TMED7: variants seen among roughly 807,000 people sequenced by gnomAD.
TMED7 encodes transmembrane emp24 domain-containing protein 7.
A neutral mutation model predicts 23.4 loss-of-function variants in TMED7; 8 were observed. That is an observed-to-expected ratio of 0.34 (90% CI 0.20 to 0.62). The LOEUF (loss-of-function observed/expected upper bound fraction) is 0.62, where lower values mean the gene tolerates loss of function less well. TMED7 is among the 20% of genes least tolerant of loss of function. The pLI is 0.77. For missense variants in TMED7, 232 were observed against 279.1 expected (o/e 0.83, Z 1.20); for synonymous variants, 121 against 108.5 (o/e 1.12, Z -0.72).
intron 2 of TMED7, among the ~76,000 whole-genome samples, chr5:115,618,626 C>A (rs1388325747): frequency 1.3e-5 from 2 of 152,040 alleles, no homozygotes; most frequent in African/African-American, 4.8e-5. Context: ...GAGCTAGAGA[C>A]TTGATGGAAT....
intron 2 of TMED7, 109 bp downstream of exon 2, chr5:115,620,326 G>A: frequency 7.7e-7 from 1 of 1,302,214 alleles, no homozygotes; most frequent in Non-Finnish European, 9.9e-7. Context: ...AGATTTTAAA[G>A]ACTGTCAGTC....
chr5:115,622,407 C>T (rs1165609672), intron 1 of TMED7, among the ~76,000 whole-genome samples: 2 of 152,204 alleles, frequency 1.3e-5, no homozygotes, highest in African/African-American at 4.8e-5. Flanking sequence ...TCCGAAACCA[C>T]AATCCAGACA....
intron 2 of TMED7, among the ~76,000 whole-genome samples, chr5:115,619,696 A>C (rs1052788424): frequency 2.1e-4 from 32 of 152,182 alleles, no homozygotes; most frequent in African/African-American, 7.0e-4. Flanking sequence ...TGATATTTTC[A>C]ATGATGTGTC....
rs989744276 is a variant in TMED7, at chr5:115,625,810, G to A, written c.-18C>T. The A allele has an allele frequency of 2.9e-6, 4 of 1,396,752 alleles. No homozygotes were observed. The highest frequency in any genetic ancestry group is 3.7e-6 in the Non-Finnish European group (4 of 1,081,624). 86.5% of individuals were successfully genotyped at this position (1,396,752 alleles called of 1,614,324 possible). A position where few individuals can be genotyped will look rare whatever the true frequency, so the allele number is the denominator to read the frequency against. ...CGCGGCATCCCGAGAAGGCGGCGGC[G>A]GCCTCAACCGAGCTGCGAGACGCAG... On this transcript the variant is annotated 5_prime_UTR_variant, in exon 1 of 3. Transcript: ENST00000456936.
chr5:115,617,528 A>G (rs1001264664), intron 2 of TMED7, among the ~76,000 whole-genome samples: 2 of 147,860 alleles, frequency 1.4e-5, no homozygotes, highest in African/African-American at 2.5e-5. Flanking sequence ...CCTAGGAATG[A>G]AAAATTTGCA....
Position 115,614,678 on chromosome 5 carries a change from A to T in TMED7, c.*1531T>A, listed in dbSNP as rs1462959687. 1 of 152,126 alleles carries T rather than the reference A, an allele frequency of 6.6e-6. No homozygotes were observed. The highest frequency in any genetic ancestry group is 1.5e-5 in the Non-Finnish European group (1 of 67,958). 9.4% of individuals were successfully genotyped at this position (152,126 alleles called of 1,614,324 possible). ...ACCCTTTGCTATACGGTGGCATCTG[A>T]AATTATCAGGCATGACAACTTGAAT... On this transcript the variant is annotated 3_prime_UTR_variant, in exon 3 of 3. Transcript: ENST00000456936.
At chr5:115,618,169 C>A (rs1223968488) in intron 2 of TMED7, among the ~76,000 whole-genome samples, 2 of 152,150 alleles carry the variant, frequency 1.3e-5, no homozygotes, top group Non-Finnish European at 1.5e-5. Context: ...GTACAATGAA[C>A]CCCCACCATG....
rs192110497 is a variant in TMED7, at chr5:115,614,792, G to A, written c.*1417C>T. On this transcript the variant is annotated 3_prime_UTR_variant, in exon 3 of 3. Coordinates refer to ENST00000456936, the MANE Select transcript of TMED7 (RefSeq NM_181836.6). ...TAACTTCTAGTCAGTATTGGTAAGT[G>A]ACTAGGATGGCTATCCAATCAGTAT... 1.3e-5 allele frequency: 2 copies of A among 152,138 alleles called. No individual in the cohort carries two copies. The highest frequency in any genetic ancestry group is 2.9e-5 in the Non-Finnish European group (2 of 67,956). The allele number at this position is 152,138 out of a possible 1,614,324, so 9.4% of individuals were successfully genotyped here.
intron 2 of TMED7, 198 bp from the exon 3 acceptor site, chr5:115,616,643 C>G (rs933911624): frequency 5.3e-6 from 4 of 759,990 alleles, no homozygotes; most frequent in Admixed American, 2.9e-5. Flanking sequence ...ACTGTTAAGG[C>G]TAGAGATCTC....
Position 115,615,903 on chromosome 5 carries a change from T to G in TMED7, c.*306A>C, listed in dbSNP as rs114463472. On this transcript the variant is annotated 3_prime_UTR_variant, in exon 3 of 3. Transcript: ENST00000456936. ...TATAAGAAAAGTAGTCTTAAATGGT[T>G]AAAAGGAATCAAAATACCAAAGTTT... 2.6e-3 allele frequency: 857 copies of G among 324,116 alleles called. 8 individuals are homozygous for G. The highest frequency in any genetic ancestry group is 0.015 in the African/African-American group (730 of 47,724). The allele number at this position is 324,116 out of a possible 1,614,324, so 20.1% of individuals were successfully genotyped here.
chr5:115,622,446 C>A (rs1757064041), intron 1 of TMED7, among the ~76,000 whole-genome samples: 2 of 152,222 alleles, frequency 1.3e-5, no homozygotes, highest in African/African-American at 2.4e-5. Flanking sequence ...CCTAAAAGGT[C>A]TTCCCACTAC....
In TMED7 at chr5:115,614,878, T is replaced by G. The variant is rs1362949340; in HGVS notation, c.*1331A>C. On this transcript the variant is annotated 3_prime_UTR_variant, in exon 3 of 3. Transcript: ENST00000456936. Reference sequence around the variant, plus strand: ...ACAGTCTTGTCTTGTTCAGAACTCATCACTTTTGGGTAGGGAAGAGAGGCA... The same window carrying G: ...ACAGTCTTGTCTTGTTCAGAACTCAGCACTTTTGGGTAGGGAAGAGAGGCA... 6.6e-6 allele frequency: 1 copy of G among 150,976 alleles called. No individual in the cohort carries two copies. The highest frequency in any genetic ancestry group is 1.5e-5 in the Non-Finnish European group (1 of 67,800). The allele number at this position is 150,976 out of a possible 1,614,324, so 9.4% of individuals were successfully genotyped here.
Position 115,625,597 on chromosome 5 carries a change from A to T in TMED7, c.192+4T>A. On this transcript the variant is annotated splice_donor_region_variant and intron_variant, in intron 1 of 2. Coordinates refer to ENST00000456936, the MANE Select transcript of TMED7 (RefSeq NM_181836.6). The stretch of plus-strand genomic sequence containing the variant: ...GGGCCCAGGGACTGCTAGGCCCCTG[A>T]TACCTGGAACTCCAGGGTGCACTTG... The T allele has an allele frequency of 1.3e-6, 2 of 1,576,758 alleles. No individual in the cohort carries two copies. The highest frequency in any genetic ancestry group is 1.7e-6 in the Non-Finnish European group (2 of 1,161,294).
At chr5:115,624,432 A>G (rs570666734) in intron 1 of TMED7, among the ~76,000 whole-genome samples, 1 of 152,202 alleles carries the variant, frequency 6.6e-6, no homozygotes, top group African/African-American at 2.4e-5. Flanking sequence ...CCACCATAAT[A>G]ACCTCCTAAT....
At chr5:115,625,060 T>C (rs1347730832) in intron 1 of TMED7, among the ~76,000 whole-genome samples, 1 of 152,256 alleles carries the variant, frequency 6.6e-6, no homozygotes, top group Non-Finnish European at 1.5e-5. Context: ...CTTTTTTATA[T>C]AATCCCAAAT....
intron 1 of TMED7, 130 bp downstream of exon 1, chr5:115,625,471 G>T: frequency 9.1e-7 from 1 of 1,098,030 alleles, no homozygotes; most frequent in Non-Finnish European, 1.2e-6. Flanking sequence ...CTGGGCATCA[G>T]CTACCTAGAA....
chr5:115,620,651 A>G lies in TMED7; in HGVS notation c.222T>C (p.Asp74=), dbSNP rs773054244. 1.4e-4 allele frequency: 224 copies of G among 1,560,766 alleles called. No individual in the cohort carries two copies. The highest frequency in any genetic ancestry group is 1.0e-3 in the Admixed American group (53 of 51,414). ...TACCATCAGGATCTTCTAATCGACA[A>G]TCTACATCATAGTGACCACCAGTAA... ...QVITGGHYDV[D]CRLEDPDGKV... The change falls in exon 2 of 3, where the codon GAT becomes GAC. Residue 74 remains aspartate (D), a synonymous_variant. Coordinates refer to ENST00000456936, the MANE Select transcript of TMED7 (RefSeq NM_181836.6).
chr5:115,625,591 C>T lies in TMED7; in HGVS notation c.192+10G>A. On this transcript the variant is annotated intron_variant, in intron 1 of 2. Coordinates refer to ENST00000456936, the MANE Select transcript of TMED7 (RefSeq NM_181836.6). ...GAGTTGGGGCCCAGGGACTGCTAGG[C>T]CCCTGATACCTGGAACTCCAGGGTG... 6.4e-7 allele frequency: 1 copy of T among 1,569,222 alleles called. No homozygotes were observed. The highest frequency in any genetic ancestry group is 1.8e-5 in the Admixed American group (1 of 55,216).
At chr5:115,623,279 C>G (rs1757096766) in intron 1 of TMED7, among the ~76,000 whole-genome samples, 1 of 152,222 alleles carries the variant, frequency 6.6e-6, no homozygotes, top group African/African-American at 2.4e-5. Flanking sequence ...TGGAACCAAG[C>G]AACCCAAAAT....
Sources: allele counts gnomAD v4.1 joint callset (sites outside exome capture counted in the v4.1 genomes callset), GRCh38; gene constraint gnomAD v4.1.1; transcripts MANE v1.5; gene names NCBI Gene and HGNC (gene_info 2026-07-23, HGNC 2026-07-21).